The following UBR3 variants were observed in gnomAD, a reference collection of about 807,000 sequenced individuals.
UBR3 encodes E3 ubiquitin-protein ligase UBR3.
Under a neutral mutation model 243.2 loss-of-function variants are expected in UBR3, and 85 were observed. The ratio of observed to expected loss-of-function variants is 0.35; its 90% CI spans 0.29 to 0.42. The LOEUF (loss-of-function observed/expected upper bound fraction) is 0.42, where lower values mean the gene tolerates loss of function less well. Ranked by LOEUF, UBR3 falls within the 10% of genes least tolerant of loss-of-function variation. The probability of loss-of-function intolerance (pLI) is 1.00; values close to 1 mark genes in which losing one functional copy is unlikely to be tolerated. For missense variants in UBR3, 1,686 were observed against 2,300.8 expected (o/e 0.73, Z 5.47); for synonymous variants, 748 against 799.8 (o/e 0.94, Z 1.09).
chr2:169,882,625 C>A (rs2083936482), intron 5 of UBR3, among the ~76,000 whole-genome samples: 1 of 151,328 alleles, frequency 6.6e-6, no homozygotes, highest in East Asian at 1.9e-4. Flanking sequence ...CATGTAATCC[C>A]AGCTACTCAG....
chr2:169,928,035 ATGTT>A (rs1553514146), intron 17 of UBR3, among the ~76,000 whole-genome samples: 5 of 152,210 alleles, frequency 3.3e-5, no homozygotes, highest in Non-Finnish European at 7.4e-5. Flanking sequence ...TCTTATGACT[ATGTT>A]TGGAAGAATT....
intron 32 of UBR3, among the ~76,000 whole-genome samples, chr2:170,046,029 C>G (rs1018433669): frequency 1.4e-5 from 2 of 146,188 alleles, no homozygotes; most frequent in East Asian, 4.0e-4. Context: ...TGCAGTGGCA[C>G]GATCTCAGCT....
chr2:170,070,758 A>G (rs2091680204), intron 35 of UBR3, among the ~76,000 whole-genome samples: 1 of 152,136 alleles, frequency 6.6e-6, no homozygotes, highest in South Asian at 2.1e-4. Context: ...TTGGAATTTG[A>G]TACTGGCAAG....
At chr2:169,836,686 A>G (rs1026218224) in intron 1 of UBR3, among the ~76,000 whole-genome samples, 2 of 151,884 alleles carry the variant, frequency 1.3e-5, no homozygotes, top group Non-Finnish European at 2.9e-5. Context: ...TAAATTTATA[A>G]TATTTTACCA....
chr2:169,972,566 A>G (rs35886879), intron 24 of UBR3, among the ~76,000 whole-genome samples: 64,693 of 152,100 alleles, frequency 0.43, 15,317 homozygotes, highest in Non-Finnish European at 0.54. Flanking sequence ...CTTATTCACC[A>G]TGATCAAGTG....
rs142712545 is a variant in UBR3 at position 169,890,135 on chromosome 2, C to T, written c.1039-1030C>T. ...ACCTTTAGCTGGAGAGGAAAAAACT[C>T]TGAGTTCTGCTGCAAAGACAGCAGG... is the stretch of plus-strand genomic sequence containing the variant. On this transcript the variant is annotated intron_variant, in intron 5 of 38. Transcript: ENST00000272793. Among the ~76,000 whole-genome samples, 20 of 152,230 alleles carry T rather than the reference C, an allele frequency of 1.3e-4. No individual in the cohort carries two copies. In the East Asian group the frequency reaches 2.9e-3, roughly 22 times the overall value.
chr2:170,008,196 T>G (rs1271432086), intron 28 of UBR3, among the ~76,000 whole-genome samples: 3 of 152,168 alleles, frequency 2.0e-5, no homozygotes, highest in Non-Finnish European at 4.4e-5. Flanking sequence ...AATTTCACCT[T>G]CATTATAGAT....
intron 1 of UBR3, among the ~76,000 whole-genome samples, chr2:169,841,648 C>T (rs929985435): frequency 5.9e-5 from 9 of 152,216 alleles, no homozygotes; most frequent in African/African-American, 2.2e-4. Context: ...GCCCTGCTGG[C>T]CCCGGGCAAT....
intron 5 of UBR3, among the ~76,000 whole-genome samples, chr2:169,884,507 C>G (rs2084017629): frequency 6.6e-6 from 1 of 152,112 alleles, no homozygotes; most frequent in South Asian, 2.1e-4. Flanking sequence ...TATTAGTATT[C>G]ATTGTAGGTT....
At chr2:169,898,055 G>A (rs189581331) in intron 8 of UBR3, among the ~76,000 whole-genome samples, 124 of 152,264 alleles carry the variant, frequency 8.1e-4, no homozygotes, top group African/African-American at 2.9e-3. Flanking sequence ...CCTTGACACA[G>A]CCAGTCCCTG....
Position 169,882,389 on chromosome 2 carries a change from A to T in UBR3, c.1038+3815A>T, listed in dbSNP as rs1405742255. 5.6e-5 allele frequency among the ~76,000 whole-genome samples: 8 copies of T among 143,080 alleles called. No homozygotes were observed. In the East Asian group the frequency reaches 7.9e-4, roughly 14 times the overall value. The allele number at this position is 143,080 out of a possible 152,430, so 93.9% of individuals were successfully genotyped here. A position where few individuals can be genotyped will look rare whatever the true frequency, so the allele number is the denominator to read the frequency against. ...TATGTAAATATATATTATATATAAA[A>T]ATATATATATATAAAATAAGGTGTT... On this transcript the variant is annotated intron_variant, in intron 5 of 38. Transcript: ENST00000272793.
intron 1 of UBR3, among the ~76,000 whole-genome samples, chr2:169,831,396 C>T (rs1010896179): frequency 6.6e-6 from 1 of 150,828 alleles, no homozygotes; most frequent in East Asian, 2.0e-4. Flanking sequence ...GTGATCCACC[C>T]GCCTCGGCCT....
At chr2:169,957,477 C>G (rs756196337) in intron 23 of UBR3, among the ~76,000 whole-genome samples, 84 of 149,326 alleles carry the variant, frequency 5.6e-4, no homozygotes, top group Non-Finnish European at 1.0e-3. Flanking sequence ...AAACCAAACA[C>G]TGCATGTTCT....
chr2:169,893,867 A>G (rs6742757), intron 6 of UBR3, among the ~76,000 whole-genome samples: 9,916 of 152,180 alleles, frequency 0.065, 340 homozygotes, highest in Non-Finnish European at 0.084. Context: ...AGCCTATATT[A>G]TAATTTTTAG....
At chr2:169,936,700 T>G (rs558807647) in intron 19 of UBR3, among the ~76,000 whole-genome samples, 21 of 150,762 alleles carry the variant, frequency 1.4e-4, no homozygotes, top group African/African-American at 4.6e-4. Flanking sequence ...GGGCCCGGTG[T>G]GTGATGTTCC....
intron 27 of UBR3, among the ~76,000 whole-genome samples, chr2:170,003,462 A>C (rs187992225): frequency 6.8e-4 from 26 of 38,146 alleles, no homozygotes; most frequent in African/African-American, 2.0e-3. Context: ...CCCTGTATTC[A>C]ACTATTCCTT....
intron 19 of UBR3, among the ~76,000 whole-genome samples, chr2:169,941,229 C>T (rs963374752): frequency 3.3e-5 from 5 of 152,098 alleles, no homozygotes; most frequent in African/African-American, 1.2e-4. Context: ...TACAATGGTC[C>T]CCCTCTTATC....
chr2:169,976,677 G>A (rs1186190577), intron 24 of UBR3, among the ~76,000 whole-genome samples: 1 of 152,090 alleles, frequency 6.6e-6, no homozygotes, highest in Non-Finnish European at 1.5e-5. Flanking sequence ...TTCTCTTGCT[G>A]TTTTTAGAAT....
At chr2:169,871,726 C>T (rs73024479) in intron 1 of UBR3, among the ~76,000 whole-genome samples, 5,824 of 108,564 alleles carry the variant, frequency 0.054, 143 homozygotes, top group Middle Eastern at 0.14. Context: ...CCAGCCTGGA[C>T]GTCAGACCAA....
Sources: gnomAD v4.1 joint callset for allele counts (sites outside exome capture counted in the v4.1 genomes callset) on GRCh38, gnomAD v4.1.1 for gene constraint, MANE v1.5 for transcripts, NCBI Gene and HGNC (gene_info 2026-07-23, HGNC 2026-07-21) for gene names.